The following TPH2 variants were observed in gnomAD, a reference collection of about 807,000 sequenced individuals.
TPH2 encodes the protein tryptophan 5-hydroxylase 2.
TPH2 carries 27 observed loss-of-function variants against 59.1 expected under a neutral mutation model. The observed-to-expected ratio is 0.46, with a 90% CI of 0.34 to 0.63. The LOEUF is 0.63. Among genes scored for constraint, TPH2 ranks in the 30% least tolerant of loss-of-function variants. TPH2 has a pLI of 0.01. For missense variants in TPH2, 523 were observed against 588.3 expected, an observed-to-expected ratio of 0.89 and a Z score of 1.15; for synonymous variants, 220 against 210.5, an observed-to-expected ratio of 1.05 and a Z score of -0.39.
chr12:72,010,605 A>G (rs1239236574), intron 8 of TPH2, among the ~76,000 whole-genome samples: 1 of 152,208 alleles, frequency 6.6e-6, no homozygotes, highest in African/African-American at 2.4e-5. Context: ...ACACGAAATC[A>G]TCTTCCAGGA....
chr12:72,028,994 G>T (rs1203232658), intron 9 of TPH2, among the ~76,000 whole-genome samples: 2 of 152,144 alleles, frequency 1.3e-5, no homozygotes, highest in South Asian at 4.1e-4. Context: ...CTGTTAAAAT[G>T]ACTAAATACG....
At chr12:71,995,104 G>A (rs1872662909) in intron 8 of TPH2, among the ~76,000 whole-genome samples, 1 of 152,170 alleles carries the variant, frequency 6.6e-6, no homozygotes. Flanking sequence ...GAGTCAACAA[G>A]CAATAAGACA....
intron 7 of TPH2, among the ~76,000 whole-genome samples, chr12:71,993,609 C>T (rs1872629054): frequency 1.3e-5 from 2 of 152,160 alleles, no homozygotes; most frequent in African/African-American, 4.8e-5. Flanking sequence ...TTCCAGGCTT[C>T]TATTATTACC....
At chr12:71,968,431 A>G (rs975769185) in intron 5 of TPH2, among the ~76,000 whole-genome samples, 1 of 152,172 alleles carries the variant, frequency 6.6e-6, no homozygotes, top group African/African-American at 2.4e-5. Context: ...GCTGGGCATT[A>G]GACTTCATGT....
At chr12:71,981,092 C>T (rs1441011782) in intron 7 of TPH2, among the ~76,000 whole-genome samples, 1 of 152,126 alleles carries the variant, frequency 6.6e-6, no homozygotes, top group Non-Finnish European at 1.5e-5. Context: ...AACGTATAAC[C>T]TGTGTGGGAG....
chr12:72,002,422 T>G (rs1872848377), intron 8 of TPH2, among the ~76,000 whole-genome samples: 1 of 151,960 alleles, frequency 6.6e-6, no homozygotes. Flanking sequence ...TAATCGTAAA[T>G]TAGAAATTGG....
At chr12:71,971,803 G>A (rs970872636) in intron 5 of TPH2, among the ~76,000 whole-genome samples, 3 of 152,170 alleles carry the variant, frequency 2.0e-5, no homozygotes, top group African/African-American at 4.8e-5. Context: ...TATTGTGCAT[G>A]GTTGCTTTTG....
intron 5 of TPH2, among the ~76,000 whole-genome samples, chr12:71,951,859 C>T (rs1473502954): frequency 6.6e-6 from 1 of 151,996 alleles, no homozygotes; most frequent in Non-Finnish European, 1.5e-5. Context: ...AACCCTGTCT[C>T]TACTGAATAT....
intron 8 of TPH2, among the ~76,000 whole-genome samples, chr12:71,996,626 C>T (rs565500157): frequency 3.3e-5 from 5 of 152,128 alleles, no homozygotes; most frequent in South Asian, 2.1e-4. Context: ...CTTGAATAGC[C>T]ATAAACTGAT....
chr12:71,996,005 CA>C (rs750357275), intron 8 of TPH2, among the ~76,000 whole-genome samples: 5 of 152,180 alleles, frequency 3.3e-5, no homozygotes, highest in Non-Finnish European at 7.3e-5. Flanking sequence ...TGGCTTAAAA[CA>C]ACAAACATCT....
rs4290270 is a variant in TPH2 at position 72,022,455 on chromosome 12, A to T, written c.1125A>T (p.Ala375=). Residue 375 remains alanine (A), a synonymous_variant, in exon 9 of 11, where the codon GCA becomes GCT. Transcript: ENST00000333850. ...GLCKQEGQLR[A]YGAGLLSSIG... ...GCAAGCAAGAAGGGCAACTGCGGGC[A>T]TATGGAGCAGGACTCCTTTCCTCCA... The T allele has an allele frequency of 0.61, 986,857 of 1,612,974 alleles. 305,786 individuals are homozygous for T. Among genetic ancestry groups the T allele is most frequent in the Non-Finnish European group, 0.64 (760,052 of 1,179,198 alleles).
chr12:72,009,771 C>T (rs1416773926), intron 8 of TPH2, among the ~76,000 whole-genome samples: 2 of 152,228 alleles, frequency 1.3e-5, no homozygotes, highest in African/African-American at 2.4e-5. Flanking sequence ...GAAAGCTAGA[C>T]AGACCCCTGT....
chr12:71,964,693 A>C, intron 5 of TPH2: 4 of 985,390 alleles, frequency 4.1e-6, no homozygotes, highest in Non-Finnish European at 4.8e-6. Context: ...ACTGATTGAA[A>C]TTTCTACACA....
rs143724186 is a variant in TPH2 at position 71,956,887 on chromosome 12, G to A, written c.608+7232G>A. Among the ~76,000 whole-genome samples the A allele has an allele frequency of 4.8e-3, 726 of 152,150 alleles. 7 individuals carry two copies. The highest frequency in any genetic ancestry group is 0.016 in the African/African-American group (674 of 41,506). On this transcript the variant is annotated intron_variant, in intron 5 of 10. Transcript: ENST00000333850. ...GGCCTCCCAAAGTGCTAGGATTACA[G>A]GTGTGAGCCACTGTGGCTGGCCCCA...
intron 8 of TPH2, among the ~76,000 whole-genome samples, chr12:72,002,928 T>A (rs1872863447): frequency 1.3e-5 from 2 of 152,204 alleles, no homozygotes; most frequent in African/African-American, 4.8e-5. Flanking sequence ...GGATAACCAG[T>A]ACTTTCTCAT....
chr12:72,030,571 G>A (rs563820427), intron 9 of TPH2, among the ~76,000 whole-genome samples: 4 of 152,098 alleles, frequency 2.6e-5, no homozygotes, highest in Admixed American at 6.6e-5. Context: ...GAGTAATTAC[G>A]CCAGCTTTCC....
intron 9 of TPH2, among the ~76,000 whole-genome samples, 184 bp from the exon 10 acceptor site, chr12:72,031,074 A>T (rs143956855): frequency 7.5e-4 from 114 of 152,182 alleles, no homozygotes; most frequent in African/African-American, 2.7e-3. Flanking sequence ...CAAACAAACA[A>T]CCAAACAAAA....
chr12:72,018,478 G>C (rs1181851697), intron 8 of TPH2, among the ~76,000 whole-genome samples: 1 of 152,110 alleles, frequency 6.6e-6, no homozygotes. Context: ...GATTTTTTCA[G>C]AGGCTCTCTT....
chr12:72,027,571 T>G (rs1354974859), intron 9 of TPH2, among the ~76,000 whole-genome samples: 1 of 152,234 alleles, frequency 6.6e-6, no homozygotes, highest in Non-Finnish European at 1.5e-5. Flanking sequence ...TTCTTAACTG[T>G]AAAGACCTGT....
Sources: gnomAD v4.1 joint callset for allele counts (sites outside exome capture counted in the v4.1 genomes callset) on GRCh38, gnomAD v4.1.1 for gene constraint, MANE v1.5 for transcripts, NCBI Gene and HGNC (gene_info 2026-07-23, HGNC 2026-07-21) for gene names.